LRFN5: variants seen among roughly 807,000 people sequenced by gnomAD.
LRFN5 encodes the protein leucine-rich repeat and fibronectin type-III domain-containing protein 5.
Under a neutral mutation model 45.6 loss-of-function variants are expected in LRFN5, and 24 were observed. That is an observed-to-expected ratio of 0.53 (90% CI 0.38 to 0.74). The LOEUF (loss-of-function observed/expected upper bound fraction) is 0.74, where lower values mean the gene tolerates loss of function less well. Ranked by LOEUF, LRFN5 falls within the 30% of genes least tolerant of loss-of-function variation. The pLI, the probability that LRFN5 is intolerant of heterozygous loss-of-function variation, is 0.00. For synonymous variants in LRFN5, 340 were observed against 313.8 expected, an observed-to-expected ratio of 1.08 and a Z score of -0.88; for missense variants, 776 against 861.5, an observed-to-expected ratio of 0.90 and a Z score of 1.24.
Position 41,670,264 on chromosome 14 carries a change from T to G in LRFN5, c.-197+61702T>G, listed in dbSNP as rs1485007644. Among the ~76,000 whole-genome samples, 30 of 28,032 alleles carry G rather than the reference T, an allele frequency of 1.1e-3. 1 individual carries two copies. The highest frequency in any genetic ancestry group is 7.0e-3 in the African/African-American group (28 of 3,972). 18.4% of individuals were successfully genotyped at this position (28,032 alleles called of 152,430 possible). A position where few individuals can be genotyped will look rare whatever the true frequency, so the allele number is the denominator to read the frequency against. On this transcript the variant is annotated intron_variant, in intron 1 of 5. Transcript: ENST00000298119. ...ACACACACATACACACAGATATATA[T>G]ATATATATATATATATATATATATA...
chr14:41,754,936 A>T (rs991211739), intron 1 of LRFN5, among the ~76,000 whole-genome samples: 14 of 151,730 alleles, frequency 9.2e-5, no homozygotes, highest in African/African-American at 3.4e-4. Flanking sequence ...ACTGCTTTGA[A>T]TGTGTCCCAG....
intron 2 of LRFN5, among the ~76,000 whole-genome samples, chr14:41,778,115 C>T (rs763479957): frequency 6.6e-6 from 1 of 151,138 alleles, no homozygotes; most frequent in Non-Finnish European, 1.5e-5. Flanking sequence ...CCCTTCTCAG[C>T]TCTTTTCCAG....
chr14:41,751,586 T>C (rs1409934181), intron 1 of LRFN5, among the ~76,000 whole-genome samples: 1 of 152,024 alleles, frequency 6.6e-6, no homozygotes, highest in Non-Finnish European at 1.5e-5. Context: ...GTTTATCTCA[T>C]CTTTGGAAGT....
intron 1 of LRFN5, among the ~76,000 whole-genome samples, chr14:41,732,939 AAAAG>A (rs1884244008): frequency 7.2e-6 from 1 of 138,544 alleles, no homozygotes; most frequent in Non-Finnish European, 1.6e-5. Flanking sequence ...ACCAGAAAAG[AAAAG>A]AAAAAAATTC....
chr14:41,814,938 A>G (rs1387910566), intron 2 of LRFN5, among the ~76,000 whole-genome samples: 1 of 152,130 alleles, frequency 6.6e-6, no homozygotes, highest in Non-Finnish European at 1.5e-5. Context: ...AGCATTTTAG[A>G]TTAGAAGAAC....
At chr14:41,637,906 A>G (rs548469888) in intron 1 of LRFN5, among the ~76,000 whole-genome samples, 136 of 152,244 alleles carry the variant, frequency 8.9e-4, no homozygotes, top group African/African-American at 3.0e-3. Flanking sequence ...CACTGCAGGT[A>G]CCTAGATAGC....
chr14:41,674,992 A>G (rs1347856509), intron 1 of LRFN5, among the ~76,000 whole-genome samples: 2 of 144,254 alleles, frequency 1.4e-5, no homozygotes, highest in Non-Finnish European at 3.0e-5. Context: ...CGCTCCCCAC[A>G]TCTCAGACGA....
intron 1 of LRFN5, among the ~76,000 whole-genome samples, chr14:41,691,076 T>C (rs1208587985): frequency 1.3e-5 from 2 of 152,130 alleles, no homozygotes; most frequent in South Asian, 2.1e-4. Flanking sequence ...ATTTTGAGTT[T>C]GCTGTTTTCT....
chr14:41,676,293 C>T (rs1433183408), intron 1 of LRFN5, among the ~76,000 whole-genome samples: 2 of 152,212 alleles, frequency 1.3e-5, no homozygotes, highest in South Asian at 2.1e-4. Flanking sequence ...ACTGCTAGTG[C>T]CCACTCTGCG....
At chr14:41,620,292 T>C in intron 1 of LRFN5, among the ~76,000 whole-genome samples, 1 of 152,100 alleles carries the variant, frequency 6.6e-6, no homozygotes, top group Non-Finnish European at 1.5e-5. Flanking sequence ...AAAAGCAACG[T>C]CTCAAATAAT....
intron 1 of LRFN5, among the ~76,000 whole-genome samples, chr14:41,624,691 A>T (rs1888262079): frequency 6.6e-6 from 1 of 152,110 alleles, no homozygotes; most frequent in South Asian, 2.1e-4. Context: ...TGGGAACCTT[A>T]ATTGAAGTGC....
chr14:41,697,740 A>C (rs1839005), intron 1 of LRFN5, among the ~76,000 whole-genome samples: 43,777 of 150,816 alleles, frequency 0.29, 7,507 homozygotes, highest in East Asian at 0.76. Flanking sequence ...AGATATGACT[A>C]TTACAAATAG....
intron 2 of LRFN5, among the ~76,000 whole-genome samples, chr14:41,806,807 C>G (rs1237100467): frequency 1.3e-5 from 2 of 152,164 alleles, no homozygotes; most frequent in African/African-American, 4.8e-5. Context: ...GCACACTGAT[C>G]TCACTGATGA....
chr14:41,763,918 C>T (rs776110739), intron 1 of LRFN5, among the ~76,000 whole-genome samples: 7 of 152,038 alleles, frequency 4.6e-5, no homozygotes, highest in Non-Finnish European at 1.0e-4. Context: ...TGTACATAAA[C>T]AATAACAGTT....
chr14:41,668,853 C>G (rs775785210), intron 1 of LRFN5, among the ~76,000 whole-genome samples: 5 of 152,062 alleles, frequency 3.3e-5, no homozygotes, highest in Non-Finnish European at 7.4e-5. Flanking sequence ...TCATTCAGTA[C>G]TATGGATTTT....
chr14:41,807,269 A>G (rs573996820), intron 2 of LRFN5, among the ~76,000 whole-genome samples: 1 of 152,246 alleles, frequency 6.6e-6, no homozygotes, highest in Admixed American at 6.6e-5. Context: ...GTTTAAAAGT[A>G]AAACTTTTTT....
At chr14:41,702,931 G>C (rs939341435) in intron 1 of LRFN5, among the ~76,000 whole-genome samples, 1 of 152,078 alleles carries the variant, frequency 6.6e-6, no homozygotes, top group African/African-American at 2.4e-5. Context: ...ATAGTTCAAA[G>C]TGTATTTTTA....
At chr14:41,693,784 G>C (rs541252996) in intron 1 of LRFN5, among the ~76,000 whole-genome samples, 1 of 151,524 alleles carries the variant, frequency 6.6e-6, no homozygotes, top group African/African-American at 2.4e-5. Flanking sequence ...CATTATTCTT[G>C]CTTAGACTCC....
intron 1 of LRFN5, among the ~76,000 whole-genome samples, chr14:41,651,400 T>C (rs1880119002): frequency 6.6e-6 from 1 of 152,122 alleles, no homozygotes; most frequent in Non-Finnish European, 1.5e-5. Context: ...TGAGAAAATG[T>C]ATGTGAGCAA....
Sources: gnomAD v4.1 joint callset for allele counts (sites outside exome capture counted in the v4.1 genomes callset) on GRCh38, gnomAD v4.1.1 for gene constraint, MANE v1.5 for transcripts, NCBI Gene and HGNC (gene_info 2026-07-23, HGNC 2026-07-21) for gene names.